The following NRXN1 variants were observed in gnomAD, a reference collection of about 807,000 sequenced individuals.
NRXN1 encodes the protein neurexin-1.
In NRXN1, 39 loss-of-function variants were observed where a neutral mutation model predicts 150.9. That is an observed-to-expected ratio of 0.26 (90% CI 0.20 to 0.34). NRXN1 has a LOEUF of 0.34. NRXN1 is among the 10% of genes least tolerant of loss of function. NRXN1 has a pLI of 1.00. For synonymous variants in NRXN1, 924 were observed against 757.0 expected, an observed-to-expected ratio of 1.22 and a Z score of -3.62; for missense variants, 1,815 against 1,949.9, an observed-to-expected ratio of 0.93 and a Z score of 1.30.
intron 5 of NRXN1, among the ~76,000 whole-genome samples, chr2:50,813,023 G>A (rs938437152): frequency 6.6e-6 from 1 of 151,898 alleles, no homozygotes; most frequent in Non-Finnish European, 1.5e-5. Flanking sequence ...GATCTCACCT[G>A]TACAATAACA....
intron 19 of NRXN1, among the ~76,000 whole-genome samples, chr2:50,064,844 T>C (rs1695118739): frequency 6.6e-6 from 1 of 152,182 alleles, no homozygotes; most frequent in East Asian, 1.9e-4. Context: ...GTAGAAGTTA[T>C]GGATCTTCTA....
rs1302957177 is a variant in NRXN1, at chr2:49,922,118, A to G, written c.4350T>C (p.Tyr1450=). Residue 1450 remains tyrosine (Y), a synonymous_variant, in exon 23 of 23, where the codon TAT becomes TAC. Transcript: ENST00000401669. ...AAALCILILL[Y]AMYKYRNRDE... is the part of the protein sequence containing the mutation. The stretch of plus-strand genomic sequence containing the variant: ...CCCGGTTTCTGTACTTGTACATGGC[A>G]TAGAGGAGGATAAGGATGCACAGGG... The G allele has an allele frequency of 6.2e-7, 1 of 1,614,094 alleles. No homozygotes were observed. Among genetic ancestry groups the G allele is most frequent in the African/African-American group, 1.3e-5 (1 of 75,008 alleles).
chr2:50,271,992 G>A (rs1339822282), intron 17 of NRXN1, among the ~76,000 whole-genome samples: 1 of 152,022 alleles, frequency 6.6e-6, no homozygotes, highest in Non-Finnish European at 1.5e-5. Context: ...GTTCCTCCAA[G>A]GGGGGGTCAC....
intron 5 of NRXN1, among the ~76,000 whole-genome samples, chr2:50,790,588 T>TA (rs1705802266): frequency 6.6e-6 from 1 of 152,192 alleles, no homozygotes. Context: ...GAGATTACTA[T>TA]ATTATCCTCT....
intron 8 of NRXN1, among the ~76,000 whole-genome samples, chr2:50,582,061 C>T (rs541212670): frequency 6.6e-6 from 1 of 152,056 alleles, no homozygotes; most frequent in African/African-American, 2.4e-5. Flanking sequence ...AACATACAAG[C>T]CCCCTGTTCG....
intron 5 of NRXN1, among the ~76,000 whole-genome samples, chr2:50,849,564 C>T (rs1242176115): frequency 1.3e-5 from 2 of 152,180 alleles, no homozygotes; most frequent in South Asian, 2.1e-4. Context: ...TCCACTTGCT[C>T]ACCCCAGTTA....
chr2:50,745,438 T>A (rs1049860659), intron 5 of NRXN1, among the ~76,000 whole-genome samples: 11 of 145,634 alleles, frequency 7.6e-5, no homozygotes, highest in Non-Finnish European at 1.5e-4. Context: ...CTCTTTCCAT[T>A]GAGAAAACCA....
intron 19 of NRXN1, among the ~76,000 whole-genome samples, chr2:50,081,847 C>A (rs970896): frequency 0.34 from 51,817 of 151,976 alleles, 10,030 homozygotes; most frequent in African/African-American, 0.51. Context: ...GAAAGTATTA[C>A]GAGAAAGGCT....
chr2:50,269,014 C>T lies in NRXN1; in HGVS notation c.3365-32044G>A, dbSNP rs536812589. On this transcript the variant is annotated intron_variant, in intron 17 of 22. Coordinates refer to ENST00000401669, the MANE Select transcript of NRXN1 (RefSeq NM_001330078.2). Reference sequence around the variant, plus strand: ...TGGTTTCTGATTATCAGATAAGAGTCGCTTAATTTGGTAATTGTGACATTG... The same window carrying T: ...TGGTTTCTGATTATCAGATAAGAGTTGCTTAATTTGGTAATTGTGACATTG... Among the ~76,000 whole-genome samples, 12 of 152,182 alleles carry T rather than the reference C, an allele frequency of 7.9e-5. No homozygotes were observed. In the South Asian group the frequency reaches 2.5e-3, roughly 32 times the overall value.
intron 5 of NRXN1, among the ~76,000 whole-genome samples, chr2:50,784,617 G>A (rs1334747786): frequency 6.6e-6 from 1 of 152,228 alleles, no homozygotes; most frequent in East Asian, 1.9e-4. Flanking sequence ...ATAATCGGAA[G>A]CTTAAAATTT....
intron 18 of NRXN1, among the ~76,000 whole-genome samples, chr2:50,132,955 A>T (rs1410511034): frequency 6.6e-6 from 1 of 151,988 alleles, no homozygotes; most frequent in African/African-American, 2.4e-5. Context: ...ACCCAAAAAA[A>T]CACTTGATGA....
intron 9 of NRXN1, among the ~76,000 whole-genome samples, chr2:50,540,850 T>C (rs898660645): frequency 3.5e-4 from 54 of 152,172 alleles, no homozygotes; most frequent in African/African-American, 1.3e-3. Flanking sequence ...TCAGTAGAGA[T>C]GGAGTTTTGC....
At chr2:50,519,477 A>C (rs1364778114) in intron 12 of NRXN1, among the ~76,000 whole-genome samples, 1 of 151,988 alleles carries the variant, frequency 6.6e-6, no homozygotes, top group African/African-American at 2.4e-5. Flanking sequence ...CTAAAATGGC[A>C]ATTGTCCAAC....
chr2:50,610,673 A>ATATATATC (rs1677935673), intron 8 of NRXN1, among the ~76,000 whole-genome samples: 1 of 130,442 alleles, frequency 7.7e-6, no homozygotes, highest in Non-Finnish European at 1.6e-5. Flanking sequence ...ATATATATAT[A>ATATATATC]TATATCTGTA....
At chr2:50,926,904 T>A (rs562100571) in intron 2 of NRXN1, among the ~76,000 whole-genome samples, 72 of 152,026 alleles carry the variant, frequency 4.7e-4, no homozygotes, top group Non-Finnish European at 9.1e-4. Flanking sequence ...TATATAAGGT[T>A]TAAAGTATTA....
intron 2 of NRXN1, among the ~76,000 whole-genome samples, chr2:50,999,306 T>C (rs1244303932): frequency 6.6e-6 from 1 of 152,072 alleles, no homozygotes; most frequent in African/African-American, 2.4e-5. Flanking sequence ...TATTATGCAC[T>C]GTACAAGGTG....
At chr2:50,232,285 C>T (rs141846718) in intron 18 of NRXN1, among the ~76,000 whole-genome samples, 1,809 of 151,964 alleles carry the variant, frequency 0.012, 17 homozygotes, top group Non-Finnish European at 0.015. Flanking sequence ...AGGCCTGGGT[C>T]ATATTAGGTG....
intron 5 of NRXN1, among the ~76,000 whole-genome samples, chr2:50,641,774 G>C (rs1430078114): frequency 1.3e-5 from 2 of 152,014 alleles, no homozygotes; most frequent in East Asian, 3.9e-4. Flanking sequence ...CATAAATCTT[G>C]GCTCTGTGAA....
At chr2:50,256,888 G>A (rs2067752147) in intron 17 of NRXN1, among the ~76,000 whole-genome samples, 1 of 152,030 alleles carries the variant, frequency 6.6e-6, no homozygotes, top group African/African-American at 2.4e-5. Context: ...CTTCGAGATG[G>A]AAGCCAAAGG....
Sources: allele counts gnomAD v4.1 joint callset (sites outside exome capture counted in the v4.1 genomes callset), GRCh38; gene constraint gnomAD v4.1.1; transcripts MANE v1.5; gene names NCBI Gene and HGNC (gene_info 2026-07-23, HGNC 2026-07-21).